The following TIAM1 variants were observed in gnomAD, a reference collection of about 807,000 sequenced individuals.
The protein encoded by TIAM1 is rho guanine nucleotide exchange factor TIAM1.
A neutral mutation model predicts 163.5 loss-of-function variants in TIAM1; 65 were observed. That is an observed-to-expected ratio of 0.40 (90% confidence interval 0.33 to 0.49). The LOEUF (loss-of-function observed/expected upper bound fraction) is 0.49. TIAM1 is among the 20% of genes least tolerant of loss of function. The probability of loss-of-function intolerance (pLI) is 0.77; values close to 1 mark genes in which losing one functional copy is unlikely to be tolerated. For synonymous variants in TIAM1, 833 were observed against 810.1 expected (o/e 1.03, Z -0.48); for missense variants, 1,789 against 2,044.7 (o/e 0.87, Z 2.41).
intron 2 of TIAM1, among the ~76,000 whole-genome samples, chr21:31,407,629 AT>A (rs562921160): frequency 1.2e-3 from 117 of 94,088 alleles, no homozygotes; most frequent in Admixed American, 1.8e-3. Flanking sequence ...TTTGCTCTTA[AT>A]TTTTTTTTTT....
intron 1 of TIAM1, among the ~76,000 whole-genome samples, chr21:31,510,363 T>C (rs1016092848): frequency 2.6e-5 from 4 of 152,206 alleles, no homozygotes; most frequent in Admixed American, 6.5e-5. Flanking sequence ...AACGGTCAGA[T>C]GGATTAGAGC....
chr21:31,201,138 G>A (rs150567107), intron 12 of TIAM1, among the ~76,000 whole-genome samples: 193 of 152,172 alleles, frequency 1.3e-3, no homozygotes, highest in African/African-American at 4.5e-3. Flanking sequence ...TATAATTCAG[G>A]ATGCAAAATA....
intron 24 of TIAM1, 22 bp downstream of exon 24, chr21:31,130,868 G>T: frequency 2.5e-6 from 4 of 1,608,564 alleles, no homozygotes; most frequent in Non-Finnish European, 3.4e-6. Flanking sequence ...TTCAAACCAT[G>T]GGGTAACATA....
intron 3 of TIAM1, 73 bp from the exon 4 acceptor site, chr21:31,267,056 C>T: frequency 2.7e-6 from 4 of 1,505,200 alleles, no homozygotes; most frequent in Non-Finnish European, 3.5e-6. Context: ...AGAGAAAGCG[C>T]TCAGCCTGCA....
chr21:31,251,234 T>C (rs2071787886), intron 5 of TIAM1, among the ~76,000 whole-genome samples: 1 of 152,216 alleles, frequency 6.6e-6, no homozygotes, highest in Non-Finnish European at 1.5e-5. Context: ...CATGAGATGC[T>C]CCTCTAGCGT....
intron 2 of TIAM1, among the ~76,000 whole-genome samples, chr21:31,350,699 C>A (rs1431357939): frequency 6.6e-6 from 1 of 152,162 alleles, no homozygotes; most frequent in Non-Finnish European, 1.5e-5. Context: ...GAGGTCTCCC[C>A]AGAAGCCAAG....
chr21:31,253,394 G>A lies in TIAM1; in HGVS notation c.964-1205C>T, dbSNP rs577856892. Among the ~76,000 whole-genome samples the A allele has an allele frequency of 6.6e-5, 10 of 152,222 alleles. No homozygotes were observed. The South Asian group carries it at 1.9e-3, about 28-fold the overall frequency. ...AATTACCATACAAATGAATGCTCTG[G>A]GCTCCTATCTTTGCTGAGAGGCAAT... On this transcript the variant is annotated intron_variant, in intron 4 of 27. Coordinates refer to ENST00000541036, the MANE Select transcript of TIAM1 (RefSeq NM_001353694.2).
intron 8 of TIAM1, among the ~76,000 whole-genome samples, chr21:31,222,695 ATATATATATATATTTTTTT>A (rs2087644200): frequency 2.8e-5 from 1 of 35,834 alleles, no homozygotes; most frequent in Non-Finnish European, 5.1e-5. Context: ...ATATATATAT[ATATATATATATATTTTTTT>A]TTTTTTTTTT....
At chr21:31,150,562 A>C (rs2083327703) in intron 19 of TIAM1, among the ~76,000 whole-genome samples, 1 of 152,222 alleles carries the variant, frequency 6.6e-6, no homozygotes, top group African/African-American at 2.4e-5. Context: ...TCCTACATTA[A>C]ACCATAACAA....
intron 1 of TIAM1, among the ~76,000 whole-genome samples, chr21:31,487,598 C>T (rs1348913592): frequency 2.5e-4 from 36 of 146,536 alleles, no homozygotes; most frequent in African/African-American, 7.9e-4. Context: ...TCGCCCAGGC[C>T]GGACTGCGGA....
At chr21:31,468,546 G>A (rs1399768002) in intron 1 of TIAM1, among the ~76,000 whole-genome samples, 1 of 151,756 alleles carries the variant, frequency 6.6e-6, no homozygotes, top group Non-Finnish European at 1.5e-5. Context: ...GGAGACCAAA[G>A]CGGGCGGATC....
chr21:31,328,941 C>G (rs981525824), intron 2 of TIAM1, among the ~76,000 whole-genome samples: 3 of 152,176 alleles, frequency 2.0e-5, no homozygotes, highest in African/African-American at 7.2e-5. Context: ...CTACCATACC[C>G]AGCCCAGACA....
intron 17 of TIAM1, among the ~76,000 whole-genome samples, chr21:31,153,651 A>C (rs2083479034): frequency 6.6e-6 from 1 of 152,230 alleles, no homozygotes; most frequent in Non-Finnish European, 1.5e-5. Context: ...GATTATGAAG[A>C]TCATACCCTC....
intron 8 of TIAM1, 96 bp downstream of exon 8, chr21:31,223,310 G>A: frequency 1.5e-6 from 2 of 1,357,566 alleles, no homozygotes; most frequent in East Asian, 2.4e-5. Context: ...TACACAGCAG[G>A]AAGCTCGAAA....
chr21:31,176,362 T>C (rs1442703797), intron 15 of TIAM1, among the ~76,000 whole-genome samples: 1 of 152,178 alleles, frequency 6.6e-6, no homozygotes, highest in Non-Finnish European at 1.5e-5. Context: ...AGGAACTATC[T>C]TTTTGTCCTA....
chr21:31,291,400 G>A (rs1290066558), intron 2 of TIAM1, among the ~76,000 whole-genome samples: 1 of 152,172 alleles, frequency 6.6e-6, no homozygotes, highest in Non-Finnish European at 1.5e-5. Flanking sequence ...GCTGATGATG[G>A]AAGGAGCTCT....
At chr21:31,125,648 C>G (rs1219688424) in intron 26 of TIAM1, among the ~76,000 whole-genome samples, 1 of 152,204 alleles carries the variant, frequency 6.6e-6, no homozygotes, top group African/African-American at 2.4e-5. Context: ...GATCTTGGCT[C>G]ATTGCAACCT....
intron 1 of TIAM1, among the ~76,000 whole-genome samples, chr21:31,544,501 G>A (rs1426583347): frequency 2.0e-5 from 3 of 151,940 alleles, no homozygotes; most frequent in East Asian, 1.9e-4. Context: ...GATGGTGGGC[G>A]CCTGTAATCC....
rs183498152 is a variant in TIAM1, at chr21:31,355,979, G to C, written c.-368-16557C>G. Among the ~76,000 whole-genome samples, 508 of 152,182 alleles carry C rather than the reference G, an allele frequency of 3.3e-3. 4 individuals carry two copies. The highest frequency in any genetic ancestry group is 0.012 in the African/African-American group (491 of 41,486). On this transcript the variant is annotated intron_variant, in intron 2 of 28. Transcript: ENST00000286827. ...TATCCATTTTGCTCACAGTTCTATT[G>C]CAAGTGCCTAGAAGAGGGCTTCATA...
Sources: allele counts gnomAD v4.1 joint callset (sites outside exome capture counted in the v4.1 genomes callset), GRCh38; gene constraint gnomAD v4.1.1; transcripts MANE v1.5; gene names NCBI Gene and HGNC (gene_info 2026-07-23, HGNC 2026-07-21).